FSTL4: variants seen among roughly 807,000 people sequenced by gnomAD.
The protein encoded by FSTL4 is follistatin like 4, also known as follistatin-related protein 4.
Under a neutral mutation model 78.2 loss-of-function variants are expected in FSTL4, and 28 were observed. The observed-to-expected ratio is 0.36, with a 90% CI of 0.27 to 0.49. The LOEUF is 0.49. Among genes scored for constraint, FSTL4 ranks in the 20% least tolerant of loss-of-function variants. FSTL4 has a pLI of 0.98. For missense variants in FSTL4, 922 were observed against 1,084.9 expected, an observed-to-expected ratio of 0.85 and a Z score of 2.11; for synonymous variants, 422 against 440.5, an observed-to-expected ratio of 0.96 and a Z score of 0.53.
the FSTL4 span, among the ~76,000 whole-genome samples, chr5:133,782,836 C>G: frequency 6.6e-6 from 1 of 152,176 alleles, no homozygotes; most frequent in Non-Finnish European, 1.5e-5. Context: ...GTTCTCATCC[C>G]AGGCCATCAT....
At chr5:133,527,222 A>C (rs1335773198) in intron 3 of FSTL4, among the ~76,000 whole-genome samples, 1 of 152,202 alleles carries the variant, frequency 6.6e-6, no homozygotes, top group Non-Finnish European at 1.5e-5. Context: ...AACACCTTCC[A>C]CTTCTCTGCA....
the FSTL4 span, among the ~76,000 whole-genome samples, chr5:133,799,119 C>G: frequency 1.5e-5 from 2 of 136,532 alleles, 1 homozygote; most frequent in Non-Finnish European, 3.3e-5. Context: ...AGCCAGCCAC[C>G]CCTGACTGGC....
At position 133,602,523 on chromosome 5, in the gene FSTL4, T is replaced by C. The variant is rs1008599193; in HGVS notation, c.126+1335A>G. On this transcript the variant is annotated intron_variant, in intron 2 of 15. Transcript: ENST00000265342. ...CTAAGCTTACCTGTGTGTTTGTCTGTTTGCTTTGCTATTAAATATTCAACA... is the reference window on the plus strand; with the variant it reads ...CTAAGCTTACCTGTGTGTTTGTCTGCTTGCTTTGCTATTAAATATTCAACA... Among the ~76,000 whole-genome samples the C allele has an allele frequency of 2.6e-5, 4 of 152,376 alleles. No homozygotes were observed. In the South Asian group the frequency reaches 8.3e-4, roughly 32 times the overall value.
intron 2 of FSTL4, among the ~76,000 whole-genome samples, chr5:133,595,340 T>C (rs1163089066): frequency 6.6e-6 from 1 of 152,230 alleles, no homozygotes; most frequent in African/African-American, 2.4e-5. Context: ...TCTCCTGGGA[T>C]TTCTTATGTA....
chr5:133,792,456 T>C, the FSTL4 span, among the ~76,000 whole-genome samples: 1 of 152,180 alleles, frequency 6.6e-6, no homozygotes, highest in Admixed American at 6.5e-5. Flanking sequence ...GCAACCTCAT[T>C]CTCTGAGAAA....
chr5:133,545,068 T>G (rs1234658842), intron 3 of FSTL4, among the ~76,000 whole-genome samples: 1 of 152,170 alleles, frequency 6.6e-6, no homozygotes, highest in African/African-American at 2.4e-5. Flanking sequence ...ATCACACCCT[T>G]ATATCACACC....
chr5:133,209,834 C>T, intron 14 of FSTL4: 1 of 209,810 alleles, frequency 4.8e-6, no homozygotes, highest in Non-Finnish European at 9.7e-6. Flanking sequence ...TGGCTAACAT[C>T]TGCTGCTTGC....
At chr5:133,707,561 G>A in the FSTL4 span, among the ~76,000 whole-genome samples, 2 of 152,226 alleles carry the variant, frequency 1.3e-5, no homozygotes, top group Non-Finnish European at 2.9e-5. Flanking sequence ...GGAGCCTGGA[G>A]CCCAGAGCTC....
rs189129778 is a variant in FSTL4 at position 133,435,341 on chromosome 5, T to C, written c.161-34355A>G. 1.4e-4 allele frequency among the ~76,000 whole-genome samples: 21 copies of C among 152,372 alleles called. No homozygotes were observed. In the East Asian group the frequency reaches 3.5e-3, roughly 25 times the overall value. ...CATGTGCTATAGTTCCCTCTTGGGA[T>C]TGTAGCATGCACAGTAGCACCAAAG... On this transcript the variant is annotated intron_variant, in intron 3 of 15. Coordinates refer to ENST00000265342, the MANE Select transcript of FSTL4 (RefSeq NM_015082.2).
At chr5:133,596,139 G>C (rs1760732671) in intron 2 of FSTL4, among the ~76,000 whole-genome samples, 1 of 152,224 alleles carries the variant, frequency 6.6e-6, no homozygotes, top group Admixed American at 6.5e-5. Flanking sequence ...GTGCACATCA[G>C]CCTGCCTATA....
intron 4 of FSTL4, among the ~76,000 whole-genome samples, chr5:133,386,195 G>A (rs1163152184): frequency 6.6e-6 from 1 of 152,178 alleles, no homozygotes; most frequent in East Asian, 1.9e-4. Context: ...CATGTCACAT[G>A]GGCTCTTTGA....
At chr5:133,303,195 G>A (rs1374621663) in intron 6 of FSTL4, among the ~76,000 whole-genome samples, 2 of 152,196 alleles carry the variant, frequency 1.3e-5, no homozygotes, top group Admixed American at 6.5e-5. Context: ...GCCTGCCTTG[G>A]TCCTCAACCC....
At chr5:133,253,053 A>G (rs7736517) in intron 6 of FSTL4, among the ~76,000 whole-genome samples, 110,467 of 152,238 alleles carry the variant, frequency 0.73, 41,166 homozygotes, top group African/African-American at 0.89. Flanking sequence ...ATCACTTAAA[A>G]TTTAATTAAA....
At chr5:133,745,169 T>C in the FSTL4 span, among the ~76,000 whole-genome samples, 2 of 152,152 alleles carry the variant, frequency 1.3e-5, no homozygotes, top group Admixed American at 6.5e-5. Flanking sequence ...AGCAGAAAGG[T>C]TTCCAGAGTG....
intron 2 of FSTL4, among the ~76,000 whole-genome samples, chr5:133,578,777 C>T (rs1013644659): frequency 1.3e-5 from 2 of 152,208 alleles, no homozygotes; most frequent in Non-Finnish European, 2.9e-5. Flanking sequence ...CATTCAGTTA[C>T]ATTTGATGAA....
chr5:133,828,365 C>T, the FSTL4 span, among the ~76,000 whole-genome samples: 8,766 of 152,246 alleles, frequency 0.058, 460 homozygotes, highest in African/African-American at 0.14. Flanking sequence ...CAATGCTTCA[C>T]CCTCAGTGAC....
chr5:133,270,445 G>C (rs1176637693), intron 6 of FSTL4, among the ~76,000 whole-genome samples: 1 of 152,212 alleles, frequency 6.6e-6, no homozygotes, highest in Non-Finnish European at 1.5e-5. Context: ...CCCATAAAGA[G>C]ACTGTGCCAC....
At chr5:133,668,320 C>T in the FSTL4 span, among the ~76,000 whole-genome samples, 6 of 152,160 alleles carry the variant, frequency 3.9e-5, no homozygotes, top group African/African-American at 1.4e-4. Context: ...AGAAGAAAGT[C>T]ACATGGAACC....
chr5:133,269,492 T>A (rs1581582802), intron 6 of FSTL4, among the ~76,000 whole-genome samples: 1 of 152,182 alleles, frequency 6.6e-6, no homozygotes, highest in African/African-American at 2.4e-5. Flanking sequence ...ACAAAATATA[T>A]TCCAGAAGAA....
Sources: gnomAD v4.1 joint callset for allele counts (sites outside exome capture counted in the v4.1 genomes callset) on GRCh38, gnomAD v4.1.1 for gene constraint, MANE v1.5 for transcripts, NCBI Gene and HGNC (gene_info 2026-07-23, HGNC 2026-07-21) for gene names.